SLC25A21: variants seen among roughly 807,000 people sequenced by gnomAD.
The protein encoded by SLC25A21 is mitochondrial 2-oxodicarboxylate carrier.
SLC25A21 carries 47 observed loss-of-function variants against 43.8 expected under a neutral mutation model. That is an observed-to-expected ratio of 1.07 (90% CI 0.85 to 1.37). The LOEUF is 1.37. SLC25A21 is among the 40% of genes most tolerant of loss of function. SLC25A21 has a pLI of 0.00. For missense variants in SLC25A21, 352 were observed against 350.2 expected (o/e 1.00, Z -0.04); for synonymous variants, 131 against 121.3 (o/e 1.08, Z -0.52).
At chr14:36,821,983 T>C (rs1357357573) in intron 2 of SLC25A21, among the ~76,000 whole-genome samples, 1 of 152,202 alleles carries the variant, frequency 6.6e-6, no homozygotes, top group Non-Finnish European at 1.5e-5. Flanking sequence ...CAGCATTTAC[T>C]GAGCTCCCCA....
chr14:37,034,282 G>T (rs554185010), intron 1 of SLC25A21, among the ~76,000 whole-genome samples: 2 of 152,174 alleles, frequency 1.3e-5, no homozygotes, highest in South Asian at 4.1e-4. Flanking sequence ...GCCTCCCAAA[G>T]TCCTGGGATT....
chr14:36,787,620 C>T (rs1387926066), intron 3 of SLC25A21, among the ~76,000 whole-genome samples: 1 of 152,026 alleles, frequency 6.6e-6, no homozygotes, highest in African/African-American at 2.4e-5. Context: ...TTCAAAAAAA[C>T]TGTATAAATG....
chr14:36,819,754 G>A (rs1044210388), intron 2 of SLC25A21, among the ~76,000 whole-genome samples: 2 of 152,004 alleles, frequency 1.3e-5, no homozygotes, highest in Non-Finnish European at 2.9e-5. Context: ...CACTATATAT[G>A]CATATATAGT....
intron 1 of SLC25A21, among the ~76,000 whole-genome samples, chr14:36,995,159 C>T (rs2138717672): frequency 6.6e-6 from 1 of 152,114 alleles, no homozygotes; most frequent in South Asian, 2.1e-4. Flanking sequence ...CTGACTTATC[C>T]AATTTAAAGC....
At chr14:37,015,340 T>C (rs1960829011) in intron 1 of SLC25A21, among the ~76,000 whole-genome samples, 2 of 151,522 alleles carry the variant, frequency 1.3e-5, no homozygotes, top group Admixed American at 6.6e-5. Flanking sequence ...TGATTTCCAA[T>C]TTCATCCATG....
chr14:36,781,294 C>T (rs1887052034), intron 3 of SLC25A21, among the ~76,000 whole-genome samples: 1 of 152,078 alleles, frequency 6.6e-6, no homozygotes, highest in Non-Finnish European at 1.5e-5. Context: ...AGCCACTTTA[C>T]ATTCTTTTAC....
At chr14:36,680,865 A>C in intron 9 of SLC25A21, 146 bp from the exon 10 acceptor site, 1 of 510,218 alleles carries the variant, frequency 2.0e-6, no homozygotes, top group Non-Finnish European at 3.3e-6. Context: ...CAATACCAAG[A>C]TATAAACTAC....
intron 3 of SLC25A21, among the ~76,000 whole-genome samples, chr14:36,735,523 T>C (rs1382863906): frequency 7.1e-6 from 1 of 140,174 alleles, no homozygotes; most frequent in Non-Finnish European, 1.5e-5. Flanking sequence ...GCAGCTTCTC[T>C]GATTCACCCC....
intron 2 of SLC25A21, among the ~76,000 whole-genome samples, chr14:36,840,373 CT>C (rs775111482): frequency 6.6e-6 from 1 of 152,140 alleles, no homozygotes; most frequent in Non-Finnish European, 1.5e-5. Context: ...TTGTCCTTAT[CT>C]TTTGAATGAA....
chr14:36,978,571 C>T (rs1314112019), intron 1 of SLC25A21, among the ~76,000 whole-genome samples: 1 of 152,022 alleles, frequency 6.6e-6, no homozygotes, highest in Admixed American at 6.6e-5. Flanking sequence ...ACGAGGTATG[C>T]CTGTACTTAA....
At chr14:36,847,437 AATATGTC>A (rs1889581900) in intron 2 of SLC25A21, among the ~76,000 whole-genome samples, 1 of 152,244 alleles carries the variant, frequency 6.6e-6, no homozygotes, top group African/African-American at 2.4e-5. Context: ...GGCTAAAATG[AATATGTC>A]ATAGTTCCTG....
intron 2 of SLC25A21, among the ~76,000 whole-genome samples, chr14:36,873,362 C>G (rs1460184613): frequency 1.3e-5 from 2 of 152,032 alleles, no homozygotes; most frequent in Non-Finnish European, 2.9e-5. Context: ...GTGGTGCGAT[C>G]TCGGCTCACT....
At chr14:36,883,805 TCTTA>T (rs754436198) in intron 1 of SLC25A21, among the ~76,000 whole-genome samples, 20 of 152,308 alleles carry the variant, frequency 1.3e-4, no homozygotes, top group South Asian at 2.1e-4. Flanking sequence ...TTTAAACTGA[TCTTA>T]CTTATTTTTT....
intron 1 of SLC25A21, among the ~76,000 whole-genome samples, chr14:36,898,691 C>T (rs565604169): frequency 2.6e-5 from 4 of 152,232 alleles, no homozygotes; most frequent in African/African-American, 9.6e-5. Context: ...CCCAATCTCA[C>T]TTATATGAGA....
At chr14:36,967,855 T>TGTGTGC (rs1333289963) in intron 1 of SLC25A21, among the ~76,000 whole-genome samples, 1 of 152,164 alleles carries the variant, frequency 6.6e-6, no homozygotes, top group East Asian at 1.9e-4. Context: ...TGTGTCTGTG[T>TGTGTGC]GTGTGCGTGT....
chr14:36,818,998 A>G (rs1888542058), intron 2 of SLC25A21, among the ~76,000 whole-genome samples: 1 of 152,248 alleles, frequency 6.6e-6, no homozygotes, highest in African/African-American at 2.4e-5. Flanking sequence ...TAATAAAAGC[A>G]GCTTAAATAC....
At chr14:36,766,960 C>G (rs1886439386) in intron 3 of SLC25A21, among the ~76,000 whole-genome samples, 1 of 152,120 alleles carries the variant, frequency 6.6e-6, no homozygotes. Flanking sequence ...CTCCAACGTG[C>G]CTAATATTGT....
intron 1 of SLC25A21, among the ~76,000 whole-genome samples, chr14:37,060,379 C>CTAATAATAATAA (rs71124787): frequency 1.5e-4 from 21 of 138,108 alleles, no homozygotes; most frequent in East Asian, 1.1e-3. Context: ...ACTCTACTCT[C>CTAATAATAATAA]TAATAATAAT....
chr14:36,774,699 G>A (rs1886757608), intron 3 of SLC25A21, among the ~76,000 whole-genome samples: 1 of 152,052 alleles, frequency 6.6e-6, no homozygotes, highest in Non-Finnish European at 1.5e-5. Context: ...CTGAGTAGCT[G>A]GGATGACAGG....
Sources: gnomAD v4.1 joint callset for allele counts (sites outside exome capture counted in the v4.1 genomes callset) on GRCh38, gnomAD v4.1.1 for gene constraint, MANE v1.5 for transcripts, NCBI Gene and HGNC (gene_info 2026-07-23, HGNC 2026-07-21) for gene names.